The following SBF2 variants were observed in gnomAD, a reference collection of about 807,000 sequenced individuals.
SBF2 encodes the protein SET binding factor 2, also known as myotubularin-related protein 13.
SBF2 carries 112 observed loss-of-function variants against 225.2 expected under a neutral mutation model. The observed-to-expected ratio is 0.50, with a 90% CI of 0.43 to 0.58. The LOEUF (loss-of-function observed/expected upper bound fraction) is 0.58. Ranked by LOEUF, SBF2 falls within the 20% of genes least tolerant of loss-of-function variation. The probability of loss-of-function intolerance (pLI) is 0.00; values close to 1 mark genes in which losing one functional copy is unlikely to be tolerated. For synonymous variants in SBF2, 763 were observed against 773.3 expected (o/e 0.99, Z 0.22); for missense variants, 1,996 against 2,206.2 (o/e 0.90, Z 1.91).
chr11:9,951,697 G>C (rs1865870165), intron 16 of SBF2, among the ~76,000 whole-genome samples: 1 of 152,218 alleles, frequency 6.6e-6, no homozygotes, highest in Admixed American at 6.5e-5. Flanking sequence ...ACAAATAAAA[G>C]CTGAGATTAT....
chr11:9,986,488 CA>C (rs781188749), intron 13 of SBF2, among the ~76,000 whole-genome samples: 1 of 151,752 alleles, frequency 6.6e-6, no homozygotes, highest in Non-Finnish European at 1.5e-5. Flanking sequence ...ATAAATGAAA[CA>C]AAAAGCTGGT....
intron 2 of SBF2, among the ~76,000 whole-genome samples, chr11:10,075,194 T>C (rs1951046898): frequency 1.3e-5 from 2 of 152,352 alleles, no homozygotes; most frequent in South Asian, 2.1e-4. Flanking sequence ...GTTATAATTT[T>C]GGTAAATTAC....
At chr11:10,152,391 A>C (rs1047197685) in intron 2 of SBF2, among the ~76,000 whole-genome samples, 2 of 151,958 alleles carry the variant, frequency 1.3e-5, no homozygotes, top group Non-Finnish European at 2.9e-5. Context: ...CTCTACTAAA[A>C]ATACAAAATT....
At chr11:9,788,533 G>A (rs949412528) in intron 35 of SBF2, among the ~76,000 whole-genome samples, 4 of 151,934 alleles carry the variant, frequency 2.6e-5, no homozygotes, top group African/African-American at 9.7e-5. Flanking sequence ...GGAAGCTGCT[G>A]GAAGGAGTAA....
chr11:9,840,063 T>C (rs1455009472), intron 25 of SBF2, among the ~76,000 whole-genome samples: 1 of 148,408 alleles, frequency 6.7e-6, no homozygotes, highest in African/African-American at 2.6e-5. Flanking sequence ...TGAAATCTCA[T>C]CTCTACTAAA....
intron 13 of SBF2, among the ~76,000 whole-genome samples, chr11:9,973,134 G>C (rs980849108): frequency 1.3e-5 from 2 of 152,146 alleles, no homozygotes; most frequent in African/African-American, 4.8e-5. Context: ...AACCTAACTT[G>C]GTCGCGAAAT....
At chr11:9,796,014 C>G (rs1189705765) in intron 32 of SBF2, 57 bp from the exon 33 acceptor site, 2 of 1,572,706 alleles carry the variant, frequency 1.3e-6, no homozygotes, top group Non-Finnish European at 1.7e-6. Context: ...AAAGTGGATG[C>G]CAGGCCACTG....
chr11:9,958,184 T>C (rs1431367308), intron 16 of SBF2: 1 of 152,076 alleles, frequency 6.6e-6, no homozygotes, highest in Admixed American at 6.6e-5. Context: ...GCAGTGGTTA[T>C]GTTTCACCAC....
chr11:9,891,113 G>A (rs1440956189), intron 17 of SBF2, among the ~76,000 whole-genome samples: 10 of 151,588 alleles, frequency 6.6e-5, no homozygotes, highest in Non-Finnish European at 1.3e-4. Flanking sequence ...TCCAGCCTGG[G>A]CGAAAAGAGC....
At chr11:9,883,795 C>A (rs1860025346) in intron 17 of SBF2, among the ~76,000 whole-genome samples, 3 of 151,996 alleles carry the variant, frequency 2.0e-5, no homozygotes, top group Admixed American at 2.0e-4. Flanking sequence ...ATAAGTATCC[C>A]TCATTTTTCA....
At position 9,785,280 on chromosome 11, in the gene SBF2, A is replaced by T; in HGVS notation, c.5076T>A (p.Ser1692=). 1 of 1,614,224 alleles carries T rather than the reference A, an allele frequency of 6.2e-7. No individual in the cohort carries two copies. Among genetic ancestry groups the T allele is most frequent in the African/African-American group, 1.3e-5 (1 of 75,058 alleles). The part of the protein sequence containing the change: ...RHLSRSPGIV[S]TNLPSYQKRS... The stretch of plus-strand genomic sequence containing the variant: ...TCTTCTGATAGGAAGGTAGGTTGGT[A>T]GACACAATTCCTGGGGATCTCGACA... The change falls in exon 37 of 40, where the codon TCT becomes TCA. Residue 1692 remains serine, a synonymous_variant. Coordinates refer to ENST00000256190, the MANE Select transcript of SBF2 (RefSeq NM_030962.4).
At chr11:10,220,979 T>C (rs1215332913) in intron 1 of SBF2, among the ~76,000 whole-genome samples, 1 of 151,946 alleles carries the variant, frequency 6.6e-6, no homozygotes, top group Non-Finnish European at 1.5e-5. Flanking sequence ...TTTCATCTCC[T>C]CTCTTTCCTG....
intron 3 of SBF2, among the ~76,000 whole-genome samples, chr11:10,038,038 T>A (rs1272852601): frequency 6.6e-6 from 1 of 152,040 alleles, no homozygotes; most frequent in Non-Finnish European, 1.5e-5. Flanking sequence ...TTTATAAAGC[T>A]TCTATTGTTG....
chr11:10,213,208 A>G (rs1365898467), intron 1 of SBF2, among the ~76,000 whole-genome samples: 1 of 152,170 alleles, frequency 6.6e-6, no homozygotes, highest in African/African-American at 2.4e-5. Context: ...TCACTGTTGT[A>G]TTTTCTTAAA....
At chr11:10,197,209 C>T (rs1957408270) in intron 1 of SBF2, among the ~76,000 whole-genome samples, 1 of 152,100 alleles carries the variant, frequency 6.6e-6, no homozygotes, top group Non-Finnish European at 1.5e-5. Context: ...TGGGACCACA[C>T]TACTCTAAGA....
intron 16 of SBF2, chr11:9,959,906 C>T (rs369152368): frequency 1.1e-5 from 4 of 364,100 alleles, no homozygotes; most frequent in Admixed American, 3.4e-5. Context: ...CTCCCATTCT[C>T]GGCTCTGCCT....
intron 1 of SBF2, among the ~76,000 whole-genome samples, chr11:10,273,071 G>GAAGA (rs1962652375): frequency 6.8e-6 from 1 of 147,978 alleles, no homozygotes; most frequent in Non-Finnish European, 1.5e-5. Flanking sequence ...CTCCGTCTCC[G>GAAGA]AAAAAAAAAA....
At chr11:10,031,245 C>T (rs1590798173) in intron 3 of SBF2, 75 bp from the exon 4 acceptor site, 2 of 1,373,110 alleles carry the variant, frequency 1.5e-6, no homozygotes, top group Non-Finnish European at 2.0e-6. Context: ...ATGAATATCA[C>T]CTTAAATATA....
chr11:10,134,558 G>T (rs1322795592), intron 2 of SBF2, among the ~76,000 whole-genome samples: 3 of 152,108 alleles, frequency 2.0e-5, no homozygotes, highest in African/African-American at 7.2e-5. Context: ...AGATACAATG[G>T]GGGTACAGGC....
Sources: allele counts gnomAD v4.1 joint callset (sites outside exome capture counted in the v4.1 genomes callset), GRCh38; gene constraint gnomAD v4.1.1; transcripts MANE v1.5; gene names NCBI Gene and HGNC (gene_info 2026-07-23, HGNC 2026-07-21).